Variants in HERC3 observed in about 807,000 individuals in gnomAD.
HERC3 encodes probable E3 ubiquitin-protein ligase HERC3.
A neutral mutation model predicts 129.9 loss-of-function variants in HERC3; 58 were observed. The ratio of observed to expected loss-of-function variants is 0.45; its 90% CI spans 0.36 to 0.56. HERC3 has a LOEUF of 0.56. Among genes scored for constraint, HERC3 ranks in the 20% least tolerant of loss-of-function variants. The pLI is 0.00. For synonymous variants in HERC3, 430 were observed against 451.0 expected (o/e 0.95, Z 0.59); for missense variants, 835 against 1,244.2 (o/e 0.67, Z 4.95).
intron 3 of HERC3, among the ~76,000 whole-genome samples, chr4:88,616,950 C>T (rs1439453001): frequency 6.6e-6 from 1 of 152,062 alleles, no homozygotes; most frequent in African/African-American, 2.4e-5. Flanking sequence ...TTTTTCTGGG[C>T]CTCATTTAAA....
chr4:88,589,021 T>C (rs891195282), upstream of HERC3, among the ~76,000 whole-genome samples: 20 of 151,996 alleles, frequency 1.3e-4, no homozygotes, highest in African/African-American at 4.8e-4. Flanking sequence ...CTGGGCAACA[T>C]AGCAAGATCC....
At chr4:88,601,369 G>A (rs770926408) in intron 2 of HERC3, among the ~76,000 whole-genome samples, 8 of 152,202 alleles carry the variant, frequency 5.3e-5, no homozygotes, top group African/African-American at 7.2e-5. Context: ...TTGAAAGTAC[G>A]AGCTTCCTCT....
intron 3 of HERC3, among the ~76,000 whole-genome samples, chr4:88,646,246 A>G (rs145968083): frequency 1.3e-5 from 2 of 152,170 alleles, no homozygotes; most frequent in Non-Finnish European, 2.9e-5. Flanking sequence ...CATCCTTCTC[A>G]GTTACCATCT....
the HERC3 span, among the ~76,000 whole-genome samples, chr4:88,586,083 T>C: frequency 1.3e-5 from 2 of 152,212 alleles, no homozygotes; most frequent in African/African-American, 2.4e-5. Flanking sequence ...TTTACTGATA[T>C]AATCAAGGGT....
At chr4:88,650,985 G>A (rs1242217624) in intron 4 of HERC3, among the ~76,000 whole-genome samples, 1 of 152,134 alleles carries the variant, frequency 6.6e-6, no homozygotes. Context: ...GACCATGGAG[G>A]TAAGAGTGAT....
intron 3 of HERC3, among the ~76,000 whole-genome samples, chr4:88,636,716 C>T (rs1485684554): frequency 1.3e-5 from 2 of 152,326 alleles, no homozygotes; most frequent in South Asian, 4.1e-4. Context: ...ATAGCACTTA[C>T]TCTAAAATTG....
intron 5 of HERC3, 89 bp from the exon 6 acceptor site, chr4:88,652,780 C>A (rs781766633): frequency 5.9e-6 from 8 of 1,360,088 alleles, no homozygotes; most frequent in Non-Finnish European, 8.0e-6. Context: ...TGTTGGGGGG[C>A]AACTGGCAAA....
At chr4:88,699,303 A>G (rs1273673964) in intron 23 of HERC3, among the ~76,000 whole-genome samples, 58 of 26,286 alleles carry the variant, frequency 2.2e-3, no homozygotes, top group Non-Finnish European at 2.9e-3. Flanking sequence ...CCACCCACCC[A>G]GCCCCACCCT....
intron 3 of HERC3, among the ~76,000 whole-genome samples, chr4:88,647,308 A>T (rs1030259840): frequency 6.6e-6 from 1 of 152,320 alleles, no homozygotes; most frequent in African/African-American, 2.4e-5. Context: ...GTGTTGTGTT[A>T]GGCCATATAC....
chr4:88,558,760 G>T, the HERC3 span, among the ~76,000 whole-genome samples: 113 of 151,776 alleles, frequency 7.4e-4, 1 homozygote, highest in African/African-American at 2.7e-3. Context: ...TCAGGAGATC[G>T]AGACCATCCT....
intron 21 of HERC3, among the ~76,000 whole-genome samples, chr4:88,685,180 G>A (rs180979860): frequency 7.8e-4 from 119 of 152,352 alleles, no homozygotes; most frequent in Admixed American, 1.7e-3. Flanking sequence ...GTGGAAGACA[G>A]TGTGGCGATT....
intron 5 of HERC3, among the ~76,000 whole-genome samples, 195 bp from the exon 6 acceptor site, chr4:88,652,674 C>G (rs915917721): frequency 1.3e-5 from 2 of 152,186 alleles, no homozygotes; most frequent in East Asian, 1.9e-4. Flanking sequence ...GGCAGTAAGA[C>G]TCAGCTTACC....
chr4:88,693,037 G>A (rs943250709), intron 23 of HERC3: 3 of 975,892 alleles, frequency 3.1e-6, no homozygotes, highest in Admixed American at 6.2e-5. Flanking sequence ...TTTAAACTTA[G>A]GTGAAGACAA....
chr4:88,698,804 CCCG>C (rs1423601216), intron 23 of HERC3, among the ~76,000 whole-genome samples: 3 of 148,974 alleles, frequency 2.0e-5, no homozygotes, highest in African/African-American at 7.5e-5. Context: ...CATCTTCTTC[CCCG>C]CCTTCTTCCC....
intron 4 of HERC3, among the ~76,000 whole-genome samples, chr4:88,651,066 T>C (rs1482075954): frequency 1.3e-5 from 2 of 152,166 alleles, no homozygotes; most frequent in Non-Finnish European, 2.9e-5. Context: ...TTTAATTTTG[T>C]GGGGAGAGGA....
At chr4:88,654,349 C>CATATATATATATAT (rs869126362) in intron 7 of HERC3, among the ~76,000 whole-genome samples, 15 of 70,940 alleles carry the variant, frequency 2.1e-4, no homozygotes, top group East Asian at 4.6e-4. Flanking sequence ...GTAGATTTTT[C>CATATATATATATAT]ATATATATAT....
the HERC3 span, among the ~76,000 whole-genome samples, chr4:88,539,359 C>CG: frequency 1.3e-5 from 2 of 152,206 alleles, no homozygotes; most frequent in South Asian, 2.1e-4. Flanking sequence ...GCTGCAGCCT[C>CG]GGGGGGAGAG....
chr4:88,679,508 A>C (rs1732526676), intron 19 of HERC3, among the ~76,000 whole-genome samples: 1 of 150,726 alleles, frequency 6.6e-6, no homozygotes. Context: ...TCTGCGCTTA[A>C]GTAGATGGTA....
At position 88,667,432 on chromosome 4, in the gene HERC3, A is replaced by T; in HGVS notation, c.1387A>T (p.Thr463Ser). The T allele has an allele frequency of 6.2e-7, 1 of 1,611,062 alleles. No individual in the cohort carries two copies. Among genetic ancestry groups the T allele is most frequent in the Non-Finnish European group, 8.5e-7 (1 of 1,178,296 alleles). ...PKIPGIDLNS[T>S]RVLFEKLMNS... ...AATCCCTGGGATTGACCTGAACTCAACTAGGGTGTTATTTGAGAAGTTAAT... is the reference window on the plus strand; with the variant it reads ...AATCCCTGGGATTGACCTGAACTCATCTAGGGTGTTATTTGAGAAGTTAAT... Residue 463 changes from threonine to serine, a missense_variant, in exon 13 of 26, where the codon ACT becomes TCT. Coordinates refer to ENST00000402738, the MANE Select transcript of HERC3 (RefSeq NM_014606.3).
Sources: gnomAD v4.1 joint callset for allele counts (sites outside exome capture counted in the v4.1 genomes callset) on GRCh38, gnomAD v4.1.1 for gene constraint, MANE v1.5 for transcripts, NCBI Gene and HGNC (gene_info 2026-07-23, HGNC 2026-07-21) for gene names.